Variants in TMEM169 observed in about 807,000 individuals in gnomAD.
TMEM169 encodes transmembrane protein 169.
TMEM169 carries 18 observed loss-of-function variants against 27.3 expected under a neutral mutation model. The observed-to-expected ratio is 0.66, with a 90% CI of 0.46 to 0.98. The LOEUF (loss-of-function observed/expected upper bound fraction) is 0.98, where lower values mean the gene tolerates loss of function less well. Ranked by LOEUF, TMEM169 falls within the 50% of genes least tolerant of loss-of-function variation. The pLI is 0.00. For missense variants in TMEM169, 320 were observed against 368.6 expected, an observed-to-expected ratio of 0.87 and a Z score of 1.08; for synonymous variants, 136 against 142.1, an observed-to-expected ratio of 0.96 and a Z score of 0.30.
chr2:216,100,171 T>C lies in TMEM169; in HGVS notation c.523T>C (p.Ser175Pro). The change falls in exon 3 of 3, where the codon TCT (serine) becomes CCT (proline). Residue 175 changes from serine to proline, a missense_variant. Transcript: ENST00000437356. Reference sequence around the variant, plus strand: ...CTGCCTGCCTGTGGTTTTCATCCTTTCTTTTGTTGTCTCTTTCTACTACGG... The same window carrying C: ...CTGCCTGCCTGTGGTTTTCATCCTTCCTTTTGTTGTCTCTTTCTACTACGG... ...LICLPVVFIL[S>P]FVVSFYYGTI... 6.2e-7 allele frequency: 1 copy of C among 1,613,998 alleles called. No homozygotes were observed. Among genetic ancestry groups the C allele is most frequent in the Non-Finnish European group, 8.5e-7 (1 of 1,180,016 alleles).
At chr2:216,091,144 G>T (rs183930176) in intron 1 of TMEM169, among the ~76,000 whole-genome samples, 1 of 152,332 alleles carries the variant, frequency 6.6e-6, no homozygotes, top group African/African-American at 2.4e-5. Context: ...TGTTTGCTGA[G>T]TGTTATGGTA....
At chr2:216,091,785 G>C (rs1258555028) in intron 1 of TMEM169, among the ~76,000 whole-genome samples, 1 of 152,164 alleles carries the variant, frequency 6.6e-6, no homozygotes, top group Non-Finnish European at 1.5e-5. Flanking sequence ...AATGCACTAA[G>C]ACACTGAGGG....
intron 1 of TMEM169, among the ~76,000 whole-genome samples, chr2:216,092,777 C>T (rs1453746017): frequency 6.6e-6 from 1 of 152,068 alleles, no homozygotes; most frequent in African/African-American, 2.4e-5. Context: ...CAAAGAAGGC[C>T]CTTCACAAGC....
At position 216,101,873 on chromosome 2, in the gene TMEM169, T is replaced by A. The variant is rs561828244; in HGVS notation, c.*1331T>A. On this transcript the variant is annotated 3_prime_UTR_variant, in exon 3 of 3. Transcript: ENST00000437356. ...TGGTTTTATTTATTTATTTATTCAT[T>A]CATTTGTTTATTCATTTATTTATTT... is the stretch of plus-strand genomic sequence containing the variant. 6.6e-6 allele frequency: 1 copy of A among 152,336 alleles called. No individual in the cohort carries two copies. Among genetic ancestry groups the A allele is most frequent in the African/African-American group, 2.4e-5 (1 of 41,574 alleles). 9.4% of individuals were successfully genotyped at this position (152,336 alleles called of 1,614,324 possible).
intron 1 of TMEM169, among the ~76,000 whole-genome samples, chr2:216,089,193 G>A (rs1696073322): frequency 6.6e-6 from 1 of 152,154 alleles, no homozygotes; most frequent in Admixed American, 6.5e-5. Context: ...AAGGAGGTGA[G>A]GGAAGGTTCA....
At position 216,081,948 on chromosome 2, in the gene TMEM169, C is replaced by G. The variant is rs1695867740; in HGVS notation, c.-158C>G. 1 of 573,866 alleles carries G rather than the reference C, an allele frequency of 1.7e-6. No homozygotes were observed. The highest frequency in any genetic ancestry group is 3.3e-5 in the Admixed American group (1 of 30,364). 35.5% of individuals were successfully genotyped at this position (573,866 alleles called of 1,614,324 possible). On this transcript the variant is annotated 5_prime_UTR_variant, in exon 1 of 3. Transcript: ENST00000437356. ...CCGCTCCCCGCCGGCTGTCCGCAACCTCCGCCAGCGTCGGTCCCTGGGCAG... is the reference window on the plus strand; with the variant it reads ...CCGCTCCCCGCCGGCTGTCCGCAACGTCCGCCAGCGTCGGTCCCTGGGCAG...
intron 1 of TMEM169, among the ~76,000 whole-genome samples, chr2:216,095,414 C>G (rs369912076): frequency 1.3e-5 from 2 of 152,074 alleles, no homozygotes; most frequent in South Asian, 4.1e-4. Context: ...CTCTCACCTA[C>G]TGGTAAGGCT....
chr2:216,097,372 G>A (rs1054552349), intron 2 of TMEM169, among the ~76,000 whole-genome samples: 1 of 152,098 alleles, frequency 6.6e-6, no homozygotes, highest in Non-Finnish European at 1.5e-5. Flanking sequence ...CCAACATGGT[G>A]AAACCCCGTC....
Position 216,102,576 on chromosome 2 carries a change from A to G in TMEM169, c.*2034A>G, listed in dbSNP as rs552589679. 49 of 151,854 alleles carry G rather than the reference A, an allele frequency of 3.2e-4. No individual in the cohort carries two copies. The highest frequency in any genetic ancestry group is 5.8e-4 in the East Asian group (3 of 5,156). The allele number at this position is 151,854 out of a possible 1,614,324, so 9.4% of individuals were successfully genotyped here. On this transcript the variant is annotated 3_prime_UTR_variant, in exon 3 of 3. Transcript: ENST00000437356. ...ATGCTCCCCACAGAGAGCCCAGGAC[A>G]TTTGCCTGATGTATGGTGCTGAGCT...
At chr2:216,085,136 C>T (rs540883044) in intron 1 of TMEM169, among the ~76,000 whole-genome samples, 2 of 152,284 alleles carry the variant, frequency 1.3e-5, no homozygotes, top group Admixed American at 6.5e-5. Flanking sequence ...ACGACAGGTG[C>T]GCGCTGCCAC....
At chr2:216,097,839 G>A (rs145915673) in intron 2 of TMEM169, among the ~76,000 whole-genome samples, 3 of 152,248 alleles carry the variant, frequency 2.0e-5, no homozygotes, top group Middle Eastern at 3.4e-3. Flanking sequence ...GGAAGGTGGT[G>A]GGGGAGAGAC....
At position 216,100,560 on chromosome 2, in the gene TMEM169, C is replaced by A. The variant is rs774467506; in HGVS notation, c.*18C>A. ...CGGTCTAAACTCCCAACAACTTACT[C>A]CCTCCTCTGGCCCCAGTAGCCTATA... On this transcript the variant is annotated 3_prime_UTR_variant, in exon 3 of 3. Transcript: ENST00000437356. 6.2e-7 allele frequency: 1 copy of A among 1,613,862 alleles called. No individual in the cohort carries two copies.
In TMEM169 at chr2:216,100,087, A is replaced by T; in HGVS notation, c.439A>T (p.Arg147Ter). 1 of 1,614,210 alleles carries T rather than the reference A, an allele frequency of 6.2e-7. No individual in the cohort carries two copies. Among genetic ancestry groups the T allele is most frequent in the Non-Finnish European group, 8.5e-7 (1 of 1,180,032 alleles). ...ESSRETTPEG[R>*]MACQMGADRG... ...ATCAAGGGAAACGACGCCTGAAGGA[A>T]GAATGGCCTGCCAGATGGGAGCTGA... The change falls in exon 3 of 3, where the codon AGA (arginine) becomes TGA (stop). Residue 147 changes from arginine (R) to a stop codon, truncating the protein, a stop_gained. Coordinates refer to ENST00000437356, the MANE Select transcript of TMEM169 (RefSeq NM_001142311.2). LOFTEE classifies it high-confidence loss of function.
intron 1 of TMEM169, among the ~76,000 whole-genome samples, chr2:216,087,497 T>C (rs1696032790): frequency 6.6e-6 from 1 of 152,220 alleles, no homozygotes; most frequent in Admixed American, 6.5e-5. Flanking sequence ...TTATTAGGTA[T>C]ATGGAAATAT....
At chr2:216,096,351 T>C in intron 2 of TMEM169, 117 bp downstream of exon 2, 2 of 1,210,998 alleles carry the variant, frequency 1.7e-6, no homozygotes, top group Admixed American at 4.8e-5. Flanking sequence ...CATTTCTTCT[T>C]GCAATATTAC....
chr2:216,083,117 T>G (rs1415357759), intron 1 of TMEM169, among the ~76,000 whole-genome samples: 12 of 151,682 alleles, frequency 7.9e-5, no homozygotes, highest in Admixed American at 7.9e-4. Context: ...CCTCTATCTT[T>G]GTTGCTGACA....
chr2:216,098,271 T>C (rs771826370), intron 2 of TMEM169, among the ~76,000 whole-genome samples: 2 of 152,188 alleles, frequency 1.3e-5, no homozygotes, highest in Non-Finnish European at 2.9e-5. Context: ...TGGGAGACTA[T>C]TGTGTCCCTG....
chr2:216,094,348 T>C (rs1266993852), intron 1 of TMEM169, among the ~76,000 whole-genome samples: 2 of 152,200 alleles, frequency 1.3e-5, no homozygotes, highest in East Asian at 1.9e-4. Flanking sequence ...GCCAATAATA[T>C]TGCATAACAG....
At chr2:216,093,809 AAT>A (rs1696195836) in intron 1 of TMEM169, among the ~76,000 whole-genome samples, 1 of 152,146 alleles carries the variant, frequency 6.6e-6, no homozygotes, top group Admixed American at 6.5e-5. Flanking sequence ...GAGAAAAAAA[AAT>A]ATGTATTCTG....
Sources: gnomAD v4.1 joint callset for allele counts (sites outside exome capture counted in the v4.1 genomes callset) on GRCh38, gnomAD v4.1.1 for gene constraint, MANE v1.5 for transcripts, NCBI Gene and HGNC (gene_info 2026-07-23, HGNC 2026-07-21) for gene names.